TCERG1L: variants seen among roughly 807,000 people sequenced by gnomAD.
TCERG1L encodes the protein transcription elongation regulator 1-like protein.
In TCERG1L, 37 loss-of-function variants were observed where a neutral mutation model predicts 56.3. The observed-to-expected ratio is 0.66, with a 90% CI of 0.51 to 0.87. The LOEUF is 0.87. Ranked by LOEUF, TCERG1L falls within the 40% of genes least tolerant of loss-of-function variation. TCERG1L has a pLI of 0.00. For missense variants in TCERG1L, 799 were observed against 774.2 expected (o/e 1.03, Z -0.38); for synonymous variants, 324 against 326.3 (o/e 0.99, Z 0.08).
At chr10:131,227,519 T>A (rs1317995900) in intron 4 of TCERG1L, among the ~76,000 whole-genome samples, 1 of 152,126 alleles carries the variant, frequency 6.6e-6, no homozygotes, top group Non-Finnish European at 1.5e-5. Flanking sequence ...AATATAGACC[T>A]GAGATAGCAA....
intron 4 of TCERG1L, among the ~76,000 whole-genome samples, chr10:131,236,889 C>A (rs1845918885): frequency 6.6e-6 from 1 of 152,062 alleles, no homozygotes; most frequent in African/African-American, 2.4e-5. Context: ...CACAAGCCAC[C>A]CATTCAAGCT....
At chr10:131,287,326 G>C (rs1846556547) in intron 3 of TCERG1L, among the ~76,000 whole-genome samples, 1 of 152,190 alleles carries the variant, frequency 6.6e-6, no homozygotes, top group Non-Finnish European at 1.5e-5. Flanking sequence ...TATCCTATCT[G>C]TAAGTTAGAA....
intron 3 of TCERG1L, among the ~76,000 whole-genome samples, chr10:131,302,520 G>A (rs967320941): frequency 1.3e-5 from 2 of 151,556 alleles, no homozygotes; most frequent in Non-Finnish European, 2.9e-5. Flanking sequence ...AAACGGCTCT[G>A]CGAGCCATCT....
intron 4 of TCERG1L, among the ~76,000 whole-genome samples, chr10:131,230,631 G>C (rs1222023549): frequency 1.2e-4 from 19 of 152,232 alleles, no homozygotes; most frequent in Non-Finnish European, 5.9e-5. Context: ...GAGACAGTGG[G>C]ACAGTGGAGA....
chr10:131,141,421 G>A (rs772683323), intron 7 of TCERG1L, among the ~76,000 whole-genome samples: 7 of 151,658 alleles, frequency 4.6e-5, no homozygotes, highest in Non-Finnish European at 7.4e-5. Context: ...GCTGCGCGGG[G>A]TCACCCCACT....
At chr10:131,219,745 G>A (rs1845711237) in intron 4 of TCERG1L, among the ~76,000 whole-genome samples, 1 of 152,210 alleles carries the variant, frequency 6.6e-6, no homozygotes, top group African/African-American at 2.4e-5. Context: ...GGCCCTGAGT[G>A]TCCTGAGGGA....
intron 4 of TCERG1L, among the ~76,000 whole-genome samples, chr10:131,238,359 A>G (rs1226114939): frequency 6.6e-6 from 1 of 152,182 alleles, no homozygotes; most frequent in African/African-American, 2.4e-5. Context: ...CTGACGGAGG[A>G]GGTCAGCCCT....
intron 11 of TCERG1L, among the ~76,000 whole-genome samples, chr10:131,094,428 T>G (rs1212937853): frequency 6.6e-6 from 1 of 152,220 alleles, no homozygotes; most frequent in Non-Finnish European, 1.5e-5. Flanking sequence ...ACTTAATAGC[T>G]TCTGAAATAT....
In TCERG1L at chr10:131,103,981, G is replaced by A. The variant is rs867895524; in HGVS notation, c.1485+284C>T. ...TAAGTATTTCATATTTTTAACATAC[G>A]ATTTATAGTCATTTGGAATGAGGGT... On this transcript the variant is annotated intron_variant, in intron 10 of 11. Coordinates refer to ENST00000368642, the MANE Select transcript of TCERG1L (RefSeq NM_174937.4). The surrounding 1 kb of genome is among the most constrained non-coding windows in gnomAD (Gnocchi z 4.3). Among the ~76,000 whole-genome samples, 11 of 152,002 alleles carry A rather than the reference G, an allele frequency of 7.2e-5. No homozygotes were observed. The highest frequency in any genetic ancestry group is 6.3e-3 in the Middle Eastern group (2 of 316).
At chr10:131,205,136 C>T (rs12262257) in intron 4 of TCERG1L, among the ~76,000 whole-genome samples, 16,551 of 152,132 alleles carry the variant, frequency 0.11, 1,237 homozygotes, top group East Asian at 0.27. Context: ...GCTTTACTGC[C>T]GTTGTGACTG....
intron 4 of TCERG1L, among the ~76,000 whole-genome samples, chr10:131,193,017 G>T: frequency 6.6e-6 from 1 of 152,052 alleles, no homozygotes; most frequent in South Asian, 2.1e-4. Flanking sequence ...GAAATAAAAT[G>T]ATAAATAAAT....
chr10:131,308,410 A>C lies in TCERG1L; in HGVS notation c.490-19T>G. 3 of 1,607,896 alleles carry C rather than the reference A, an allele frequency of 1.9e-6. No individual in the cohort carries two copies. The highest frequency in any genetic ancestry group is 2.6e-6 in the Non-Finnish European group (3 of 1,175,538). On this transcript the variant is annotated intron_variant, in intron 2 of 11. Coordinates refer to ENST00000368642, the MANE Select transcript of TCERG1L (RefSeq NM_174937.4). Reference sequence around the variant, plus strand: ...AAAAGATCTGTCGAAAAATAATGCAAGCATAACACTGAAGGCAAGGTGCAT... The same window carrying C: ...AAAAGATCTGTCGAAAAATAATGCACGCATAACACTGAAGGCAAGGTGCAT...
At chr10:131,167,989 C>T (rs1846049979) in intron 4 of TCERG1L, among the ~76,000 whole-genome samples, 1 of 152,162 alleles carries the variant, frequency 6.6e-6, no homozygotes, top group Admixed American at 6.6e-5. Context: ...AAGGAAAGCC[C>T]TGGCCAGGTC....
intron 3 of TCERG1L, among the ~76,000 whole-genome samples, chr10:131,302,062 G>C (rs549434867): frequency 6.6e-6 from 1 of 152,148 alleles, no homozygotes; most frequent in Admixed American, 6.5e-5. Flanking sequence ...TCATTTGATC[G>C]CTTTTTTAAG....
intron 9 of TCERG1L, among the ~76,000 whole-genome samples, chr10:131,107,747 A>G (rs539354558): frequency 6.6e-6 from 1 of 152,290 alleles, no homozygotes; most frequent in South Asian, 2.1e-4. Context: ...ATACACACAC[A>G]CATAAGCACA....
rs199910587 is a variant in TCERG1L, at chr10:131,132,053, G to A, written c.1259+2326C>T. Reference sequence around the variant, plus strand: ...GCTGATGGTTCACCTGGCCTGGGGCGATTCGCTCTGAGCAGGAGGCGTGCA... The same window carrying A: ...GCTGATGGTTCACCTGGCCTGGGGCAATTCGCTCTGAGCAGGAGGCGTGCA... On this transcript the variant is annotated intron_variant, in intron 8 of 11. Coordinates refer to ENST00000368642, the MANE Select transcript of TCERG1L (RefSeq NM_174937.4). Among the ~76,000 whole-genome samples the A allele has an allele frequency of 2.0e-5, 3 of 152,228 alleles. No individual in the cohort carries two copies. In the East Asian group the frequency reaches 5.8e-4, roughly 29 times the overall value.
intron 3 of TCERG1L, among the ~76,000 whole-genome samples, chr10:131,292,084 T>C (rs1247065891): frequency 6.6e-6 from 1 of 152,194 alleles, no homozygotes; most frequent in African/African-American, 2.4e-5. Flanking sequence ...CCAAGTAGGA[T>C]TTCATATTTC....
At chr10:131,233,990 T>C (rs7908243) in intron 4 of TCERG1L, among the ~76,000 whole-genome samples, 68,407 of 152,048 alleles carry the variant, frequency 0.45, 15,725 homozygotes, top group African/African-American at 0.55. Context: ...CTTGACTCTC[T>C]GTGTGTGTCT....
rs573428065 is a variant in TCERG1L at position 131,131,870 on chromosome 10, A to C, written c.1259+2509T>G. Among the ~76,000 whole-genome samples, 13 of 152,336 alleles carry C rather than the reference A, an allele frequency of 8.5e-5. No homozygotes were observed. The South Asian group carries it at 2.7e-3, about 32-fold the overall frequency. On this transcript the variant is annotated intron_variant, in intron 8 of 11. Coordinates refer to ENST00000368642, the MANE Select transcript of TCERG1L (RefSeq NM_174937.4). ...TATCCACACAAAAAGCGCAGGTCCA[A>C]ATGAACAGATTTCAGCAGGCCCCCT...
Sources: allele counts gnomAD v4.1 joint callset (sites outside exome capture counted in the v4.1 genomes callset), GRCh38; gene constraint gnomAD v4.1.1; non-coding constraint Gnocchi (gnomAD v3.1); transcripts MANE v1.5; gene names NCBI Gene and HGNC (gene_info 2026-07-23, HGNC 2026-07-21).